KCNMA1: variants seen among roughly 807,000 people sequenced by gnomAD.
KCNMA1 encodes Calcium-activated potassium channel subunit alpha-1.
A neutral mutation model predicts 140.0 loss-of-function variants in KCNMA1; 29 were observed. The ratio of observed to expected loss-of-function variants is 0.21; its 90% confidence interval spans 0.15 to 0.28. KCNMA1 has a LOEUF of 0.28. KCNMA1 is among the 10% of genes least tolerant of loss of function. KCNMA1 has a pLI of 1.00. For synonymous variants in KCNMA1, 612 were observed against 611.9 expected (o/e 1.00, Z 0.00); for missense variants, 880 against 1,602.2 (o/e 0.55, Z 7.70).
intron 1 of KCNMA1, among the ~76,000 whole-genome samples, chr10:77,490,819 C>T (rs816847): frequency 3.3e-5 from 5 of 152,014 alleles, no homozygotes; most frequent in African/African-American, 1.2e-4. Flanking sequence ...TCTCCAGGAC[C>T]GAAATCTCTA....
intron 19 of KCNMA1, chr10:76,977,830 G>C (rs1188604949): frequency 1.7e-6 from 1 of 577,620 alleles, no homozygotes; most frequent in Non-Finnish European, 3.1e-6. Context: ...TCCAACTCAA[G>C]CTAAGTTAGA....
At chr10:76,963,255 G>T (rs2072438091) in intron 20 of KCNMA1, among the ~76,000 whole-genome samples, 1 of 152,140 alleles carries the variant, frequency 6.6e-6, no homozygotes, top group African/African-American at 2.4e-5. Flanking sequence ...CTCAAACTGT[G>T]GCCCAGACCA....
intron 2 of KCNMA1, among the ~76,000 whole-genome samples, chr10:77,396,374 C>T (rs1466860707): frequency 6.6e-6 from 1 of 152,080 alleles, no homozygotes; most frequent in African/African-American, 2.4e-5. Context: ...TGCCACCAGG[C>T]ACCACTGAGA....
At chr10:77,590,676 A>G (rs2078852883) in intron 1 of KCNMA1, among the ~76,000 whole-genome samples, 1 of 152,252 alleles carries the variant, frequency 6.6e-6, no homozygotes, top group African/African-American at 2.4e-5. Context: ...AAGTGCCGCC[A>G]AAGTGGGAGC....
intron 14 of KCNMA1, among the ~76,000 whole-genome samples, chr10:77,053,935 C>A (rs2095459508): frequency 6.6e-6 from 1 of 152,138 alleles, no homozygotes; most frequent in Non-Finnish European, 1.5e-5. Flanking sequence ...GGTCTTACAG[C>A]AAATCGCGTC....
intron 5 of KCNMA1, among the ~76,000 whole-genome samples, chr10:77,175,042 A>G (rs2098740549): frequency 6.6e-6 from 1 of 152,160 alleles, no homozygotes; most frequent in Non-Finnish European, 1.5e-5. Flanking sequence ...GGTGGCTCCA[A>G]AACTGGAGAT....
intron 27 of KCNMA1, among the ~76,000 whole-genome samples, chr10:76,889,222 C>G (rs2038813061): frequency 6.6e-6 from 1 of 152,122 alleles, no homozygotes; most frequent in African/African-American, 2.4e-5. Context: ...TGGAATTATT[C>G]TATTAATACA....
At chr10:77,189,490 G>A (rs547671192) in intron 3 of KCNMA1, among the ~76,000 whole-genome samples, 1 of 152,222 alleles carries the variant, frequency 6.6e-6, no homozygotes, top group South Asian at 2.1e-4. Flanking sequence ...TACCTGCTGA[G>A]CACATTTTAG....
chr10:77,540,663 T>C (rs2059961600), intron 1 of KCNMA1, among the ~76,000 whole-genome samples: 1 of 152,238 alleles, frequency 6.6e-6, no homozygotes, highest in Non-Finnish European at 1.5e-5. Flanking sequence ...TCACTTTCAA[T>C]GTTCCCAGAA....
chr10:76,908,053 T>A (rs2048511236), intron 25 of KCNMA1, among the ~76,000 whole-genome samples: 1 of 152,238 alleles, frequency 6.6e-6, no homozygotes, highest in Non-Finnish European at 1.5e-5. Flanking sequence ...GTAAATAGTT[T>A]AACCAGCTCT....
chr10:76,942,353 C>T (rs1428331260), intron 23 of KCNMA1, among the ~76,000 whole-genome samples: 1 of 152,156 alleles, frequency 6.6e-6, no homozygotes, highest in Non-Finnish European at 1.5e-5. Flanking sequence ...AATACCATCG[C>T]CTTGAGGGTT....
chr10:77,543,628 C>G (rs558384438), intron 1 of KCNMA1, among the ~76,000 whole-genome samples: 1 of 152,200 alleles, frequency 6.6e-6, no homozygotes, highest in South Asian at 2.1e-4. Context: ...GAAAAGTTAG[C>G]AGGTCAAAGA....
rs372547868 is a variant in KCNMA1, at chr10:77,147,786, G to C, written c.809-26738C>G. ...CTGATGTCTGGACCCACAGGGGACA[G>C]ATGGTGGTCCCTGGTCACTGAAGTA... On this transcript the variant is annotated intron_variant, in intron 5 of 27. Transcript: ENST00000286628. The C allele has an allele frequency of 2.0e-5, 3 of 152,422 alleles. No homozygotes were observed. The South Asian group carries it at 6.2e-4, about 32-fold the overall frequency. The allele number at this position is 152,422 out of a possible 1,614,324, so 9.4% of individuals were successfully genotyped here. A position where few individuals can be genotyped will look rare whatever the true frequency, so the allele number is the denominator to read the frequency against.
intron 5 of KCNMA1, among the ~76,000 whole-genome samples, chr10:77,133,258 T>A (rs1390161952): frequency 1.3e-5 from 2 of 151,298 alleles, no homozygotes; most frequent in Non-Finnish European, 2.9e-5. Context: ...ATAGTTACAA[T>A]AGCAAAAGAG....
chr10:77,228,313 G>A lies in KCNMA1; in HGVS notation c.602+22882C>T, dbSNP rs528793031. ...ACTCTCAGCCAGAGATGAATTAGGG[G>A]GTAAGCCAACCACTCGGTTTCCTGG... On this transcript the variant is annotated intron_variant, in intron 3 of 27. Coordinates refer to ENST00000286628, the MANE Select transcript of KCNMA1 (RefSeq NM_001161352.2). 5.5e-4 allele frequency among the ~76,000 whole-genome samples: 84 copies of A among 152,090 alleles called. 1 individual carries two copies. The highest frequency in any genetic ancestry group is 1.0e-3 in the South Asian group (5 of 4,824).
chr10:77,246,344 C>A (rs1386861140), intron 3 of KCNMA1, among the ~76,000 whole-genome samples: 2 of 152,300 alleles, frequency 1.3e-5, no homozygotes, highest in African/African-American at 4.8e-5. Flanking sequence ...TAGGGGAATT[C>A]AATGAGGTTG....
At chr10:76,896,144 G>C (rs936251275) in intron 25 of KCNMA1, among the ~76,000 whole-genome samples, 2 of 152,160 alleles carry the variant, frequency 1.3e-5, no homozygotes, top group Non-Finnish European at 2.9e-5. Context: ...GCCAGGGAGT[G>C]TTTCATCCCT....
intron 18 of KCNMA1, among the ~76,000 whole-genome samples, chr10:77,011,599 C>T (rs2090764104): frequency 6.6e-6 from 1 of 152,168 alleles, no homozygotes; most frequent in Non-Finnish European, 1.5e-5. Context: ...ACTCAGGGAC[C>T]CCCAATCCAC....
chr10:77,536,598 T>C (rs936192819), intron 1 of KCNMA1, among the ~76,000 whole-genome samples: 6 of 152,168 alleles, frequency 3.9e-5, no homozygotes, highest in African/African-American at 1.2e-4. Flanking sequence ...CAGGTAGAGA[T>C]GAGGAAGTAG....
Sources: allele counts gnomAD v4.1 joint callset (sites outside exome capture counted in the v4.1 genomes callset), GRCh38; gene constraint gnomAD v4.1.1; transcripts MANE v1.5; gene names NCBI Gene and HGNC (gene_info 2026-07-23, HGNC 2026-07-21).